Variants in PCDH7 observed in about 807,000 individuals in gnomAD.
PCDH7 encodes protocadherin-7.
In PCDH7, 17 loss-of-function variants were observed where a neutral mutation model predicts 58.9. That is an observed-to-expected ratio of 0.29 (90% CI 0.20 to 0.43). The LOEUF is 0.43. PCDH7 is among the 20% of genes least tolerant of loss of function. PCDH7 has a pLI of 1.00. For missense variants in PCDH7, 1,274 were observed against 1,441.0 expected, an observed-to-expected ratio of 0.88 and a Z score of 1.88; for synonymous variants, 664 against 616.4, an observed-to-expected ratio of 1.08 and a Z score of -1.14.
intron 3 of PCDH7, among the ~76,000 whole-genome samples, chr4:30,980,407 T>C (rs1182196540): frequency 6.6e-6 from 1 of 152,238 alleles, no homozygotes; most frequent in South Asian, 2.1e-4. Context: ...GTTTTGTTTT[T>C]GTGAAGCACA....
chr4:30,822,194 A>T (rs1728463514), intron 1 of PCDH7, among the ~76,000 whole-genome samples: 1 of 152,098 alleles, frequency 6.6e-6, no homozygotes, highest in Non-Finnish European at 1.5e-5. Context: ...TCCTAAGCAA[A>T]TTCATTTTCA....
intron 3 of PCDH7, among the ~76,000 whole-genome samples, chr4:30,989,570 A>G (rs1317193802): frequency 1.3e-5 from 2 of 152,186 alleles, no homozygotes; most frequent in African/African-American, 2.4e-5. Flanking sequence ...TGCAGGTACT[A>G]AAAGAATGGG....
Position 31,060,278 on chromosome 4 carries a change from A to G in PCDH7, c.*8-82195A>G, listed in dbSNP as rs983955535. 1.4e-4 allele frequency among the ~76,000 whole-genome samples: 21 copies of G among 151,760 alleles called. 1 individual carries two copies. Among genetic ancestry groups the G allele is most frequent in the Non-Finnish European group, 1.5e-5 (1 of 67,738 alleles). ...AATAAATTACTTCCCTTAGCATTTA[A>G]ATGACTAAGACCGTACTCACTGACT... On this transcript the variant is annotated intron_variant, in intron 3 of 3. Coordinates refer to the PCDH7 transcript ENST00000509759.
At chr4:30,767,493 G>A (rs1050111011) in intron 1 of PCDH7, among the ~76,000 whole-genome samples, 1 of 152,080 alleles carries the variant, frequency 6.6e-6, no homozygotes, top group African/African-American at 2.4e-5. Flanking sequence ...TATGTCTGTT[G>A]GATATTTCAA....
At chr4:30,826,785 G>A (rs1729137156) in intron 1 of PCDH7, among the ~76,000 whole-genome samples, 1 of 152,006 alleles carries the variant, frequency 6.6e-6, no homozygotes, top group Non-Finnish European at 1.5e-5. Context: ...GAGTATAGCA[G>A]CACCATCTCT....
intron 1 of PCDH7, among the ~76,000 whole-genome samples, chr4:30,798,231 G>T (rs895380945): frequency 6.6e-6 from 1 of 152,134 alleles, no homozygotes; most frequent in Non-Finnish European, 1.5e-5. Flanking sequence ...GACAGCAGAG[G>T]TCTTTACAGA....
intron 1 of PCDH7, among the ~76,000 whole-genome samples, chr4:30,891,232 C>T (rs1345617394): frequency 6.6e-6 from 1 of 151,880 alleles, no homozygotes; most frequent in East Asian, 1.9e-4. Flanking sequence ...TATATTTTAC[C>T]AGGAATAGGA....
chr4:30,838,099 G>A (rs1371838457), intron 1 of PCDH7, among the ~76,000 whole-genome samples: 1 of 151,812 alleles, frequency 6.6e-6, no homozygotes, highest in Non-Finnish European at 1.5e-5. Flanking sequence ...ATGCCTGGGT[G>A]CTCCATATGG....
intron 3 of PCDH7, among the ~76,000 whole-genome samples, chr4:31,002,334 C>A (rs960196799): frequency 5.3e-5 from 8 of 152,222 alleles, no homozygotes; most frequent in Non-Finnish European, 8.8e-5. Flanking sequence ...CTCATTGTTC[C>A]TATTTGCAGC....
chr4:30,964,036 T>C (rs546994055), intron 3 of PCDH7, among the ~76,000 whole-genome samples: 145 of 152,266 alleles, frequency 9.5e-4, no homozygotes, highest in African/African-American at 3.4e-3. Context: ...TAATTTGGCT[T>C]TGTAAAAAAT....
At chr4:30,963,622 C>A (rs1388803429) in intron 3 of PCDH7, among the ~76,000 whole-genome samples, 2 of 152,008 alleles carry the variant, frequency 1.3e-5, no homozygotes. Context: ...GGTGTGGCTA[C>A]ATATCCCTGC....
At chr4:31,016,448 AG>A (rs1216196029) in intron 3 of PCDH7, among the ~76,000 whole-genome samples, 9 of 136,060 alleles carry the variant, frequency 6.6e-5, no homozygotes, top group Middle Eastern at 4.1e-3. Flanking sequence ...TAGACAGGAG[AG>A]GGGGAAAGGC....
Position 31,057,179 on chromosome 4 carries a change from T to C in PCDH7, c.*8-85294T>C, listed in dbSNP as rs141256751. Among the ~76,000 whole-genome samples the C allele has an allele frequency of 5.3e-5, 8 of 152,318 alleles. No homozygotes were observed. In the East Asian group the frequency reaches 1.5e-3, roughly 29 times the overall value. ...TCAAAAATAGTTTTACTTTCATAAG[T>C]AGAAAAGCTTAGTCATATTATATTT... On this transcript the variant is annotated intron_variant, in intron 3 of 3. Coordinates refer to the PCDH7 transcript ENST00000509759.
At chr4:31,079,363 T>TAC (rs35994111) in intron 3 of PCDH7, among the ~76,000 whole-genome samples, 13 of 80,146 alleles carry the variant, frequency 1.6e-4, no homozygotes, top group East Asian at 4.0e-4. Flanking sequence ...TATATATATA[T>TAC]ACACCACATT....
At chr4:30,796,894 A>C (rs1724849117) in intron 1 of PCDH7, among the ~76,000 whole-genome samples, 1 of 152,002 alleles carries the variant, frequency 6.6e-6, no homozygotes, top group South Asian at 2.1e-4. Context: ...CTAATTTTAC[A>C]TGAGTAAATC....
chr4:30,737,310 C>T (rs1402969378), downstream of PCDH7, among the ~76,000 whole-genome samples: 1 of 152,174 alleles, frequency 6.6e-6, no homozygotes, highest in Non-Finnish European at 1.5e-5. Context: ...TTTCTCTAAC[C>T]TCTTTTTCAG....
At chr4:31,068,963 A>G (rs1311650247) in intron 3 of PCDH7, among the ~76,000 whole-genome samples, 2 of 151,962 alleles carry the variant, frequency 1.3e-5, no homozygotes, top group African/African-American at 4.8e-5. Context: ...GGCTCCAGAT[A>G]CTTTTTTGGC....
At position 30,989,818 on chromosome 4, in the gene PCDH7, G is replaced by A. The variant is rs370365598; in HGVS notation, c.*7+39603G>A. 1.1e-3 allele frequency among the ~76,000 whole-genome samples: 165 copies of A among 152,254 alleles called. 6 individuals are homozygous for A. In the South Asian group the frequency reaches 0.029, roughly 26 times the overall value. ...CCCACCAAAAAATGTATAAATTTCAGTGAAAAGAGAGAGGGAGAGAGATTG... is the reference window on the plus strand; with the variant it reads ...CCCACCAAAAAATGTATAAATTTCAATGAAAAGAGAGAGGGAGAGAGATTG... On this transcript the variant is annotated intron_variant, in intron 3 of 3. Coordinates refer to the PCDH7 transcript ENST00000509759.
chr4:31,048,123 CTAGT>C (rs1370933096), intron 3 of PCDH7, among the ~76,000 whole-genome samples: 1 of 151,736 alleles, frequency 6.6e-6, no homozygotes, highest in Non-Finnish European at 1.5e-5. Context: ...TCTCTACTAT[CTAGT>C]TAAAGATTGG....
Sources: gnomAD v4.1 joint callset for allele counts (sites outside exome capture counted in the v4.1 genomes callset) on GRCh38, gnomAD v4.1.1 for gene constraint, MANE v1.5 for transcripts, NCBI Gene and HGNC (gene_info 2026-07-23, HGNC 2026-07-21) for gene names.